NCBP1: variants seen among roughly 807,000 people sequenced by gnomAD.
NCBP1 encodes the protein nuclear cap binding protein subunit 1.
A neutral mutation model predicts 111.7 loss-of-function variants in NCBP1; 16 were observed. The ratio of observed to expected loss-of-function variants is 0.14; its 90% CI spans 0.10 to 0.22. The LOEUF (loss-of-function observed/expected upper bound fraction) is 0.22. NCBP1 is among the 10% of genes least tolerant of loss of function. The pLI, the probability that NCBP1 is intolerant of heterozygous loss-of-function variation, is 1.00. For missense variants in NCBP1, 607 were observed against 957.5 expected (o/e 0.63, Z 4.83); for synonymous variants, 304 against 314.3 (o/e 0.97, Z 0.35).
intron 13 of NCBP1, 38 bp from the exon 14 acceptor site, chr9:97,655,973 T>G: frequency 6.4e-7 from 1 of 1,567,926 alleles, no homozygotes; most frequent in Non-Finnish European, 8.8e-7. Context: ...AAGTGCAGAT[T>G]ATATGTAAGC....
At chr9:97,670,048 A>C in intron 22 of NCBP1, 1 of 360,830 alleles carries the variant, frequency 2.8e-6, no homozygotes, top group South Asian at 2.3e-5. Context: ...TCAGCCTCCC[A>C]TATTGCTGGG....
intron 12 of NCBP1, among the ~76,000 whole-genome samples, 166 bp downstream of exon 12, chr9:97,655,110 C>T (rs138059613): frequency 2.5e-3 from 380 of 152,266 alleles, no homozygotes; most frequent in African/African-American, 8.3e-3. Context: ...TGTAACATTA[C>T]GTTTTTTGAT....
intron 7 of NCBP1, 74 bp downstream of exon 7, chr9:97,647,635 C>A: frequency 8.1e-7 from 1 of 1,239,300 alleles, no homozygotes; most frequent in South Asian, 1.3e-5. Flanking sequence ...GTAAGATACT[C>A]AGACCATTCC....
chr9:97,663,404 T>A (rs1168630233), intron 18 of NCBP1, among the ~76,000 whole-genome samples: 1 of 152,240 alleles, frequency 6.6e-6, no homozygotes, highest in African/African-American at 2.4e-5. Context: ...AGTGAGTGTG[T>A]AATGATAAAA....
At chr9:97,658,173 A>G (rs1459834335) in intron 14 of NCBP1, among the ~76,000 whole-genome samples, 3 of 152,036 alleles carry the variant, frequency 2.0e-5, no homozygotes, top group African/African-American at 7.3e-5. Context: ...ACACACATCC[A>G]TCCATCCATA....
chr9:97,660,151 T>C (rs948623884), intron 15 of NCBP1, among the ~76,000 whole-genome samples: 1 of 152,224 alleles, frequency 6.6e-6, no homozygotes, highest in Non-Finnish European at 1.5e-5. Context: ...TTCTTCGCCT[T>C]CTTTTTTTTA....
chr9:97,648,651 A>C (rs1458611674), intron 8 of NCBP1, among the ~76,000 whole-genome samples: 1 of 152,214 alleles, frequency 6.6e-6, no homozygotes, highest in Non-Finnish European at 1.5e-5. Flanking sequence ...TTCACATGTA[A>C]AATGCATAGA....
chr9:97,655,845 TA>T (rs920273892), intron 13 of NCBP1, 81 bp downstream of exon 13: 10 of 1,421,152 alleles, frequency 7.0e-6, no homozygotes, highest in Non-Finnish European at 8.7e-6. Flanking sequence ...GTGTCTGAAA[TA>T]TTTAATTTCT....
rs77602722 is a variant in NCBP1 at position 97,656,049 on chromosome 9, C to T, written c.1337C>T (p.Pro446Leu). The T allele has an allele frequency of 0.016, 26,263 of 1,613,510 alleles. 282 individuals are homozygous for T. Among genetic ancestry groups the T allele is most frequent in the Non-Finnish European group, 0.019 (22,218 of 1,179,520 alleles). Residue 446 changes from proline (P) to leucine (L), a missense_variant, in exon 14 of 23, where the codon CCG becomes CTG. Physicochemically the swap from Pro to Leu is moderately conservative, Grantham distance 98 (BLOSUM62 -3). Around this residue, in one of 9 missense-constraint regions of NCBP1, gnomAD observed 282 missense variants for 376.5 expected, o/e 0.75. Transcript: ENST00000375147. ...AGTCAAGATCCTGAAAGTCCCAAAC[C>T]GAAGTTTGTAAGAGAAGTTCTAGAA... is the stretch of plus-strand genomic sequence containing the variant. ...CLSQDPESPK[P>L]KFVREVLEKC...
intron 19 of NCBP1, among the ~76,000 whole-genome samples, chr9:97,665,952 T>C (rs771106255): frequency 2.6e-5 from 4 of 152,168 alleles, no homozygotes; most frequent in Non-Finnish European, 5.9e-5. Context: ...GAGTGGATCA[T>C]CATAAAGGTC....
In NCBP1 at chr9:97,673,161, C is replaced by CA. The variant is rs1828246556; in HGVS notation, c.*1966dup. 6.6e-6 allele frequency: 1 copy of CA among 152,068 alleles called. No individual in the cohort carries two copies. The highest frequency in any genetic ancestry group is 2.4e-5 in the African/African-American group (1 of 41,374). The allele number at this position is 152,068 out of a possible 1,614,324, so 9.4% of individuals were successfully genotyped here. ...AAAAAAATATATAGCATATAACATA[C>CA]AAAATGAGTTTATCAACTGTTTGTT... is the stretch of plus-strand genomic sequence containing the variant. On this transcript the variant is annotated 3_prime_UTR_variant, in exon 23 of 23. Coordinates refer to ENST00000375147, the MANE Select transcript of NCBP1 (RefSeq NM_002486.5).
chr9:97,643,759 A>G (rs1827264252), intron 4 of NCBP1, among the ~76,000 whole-genome samples: 1 of 151,982 alleles, frequency 6.6e-6, no homozygotes, highest in African/African-American at 2.4e-5. Flanking sequence ...ATCCCTGTCA[A>G]TTCTGTCTCC....
intron 1 of NCBP1, among the ~76,000 whole-genome samples, chr9:97,637,668 C>T (rs981404737): frequency 5.3e-5 from 8 of 152,136 alleles, no homozygotes; most frequent in Admixed American, 1.3e-4. Flanking sequence ...TGTTATCTTT[C>T]AAGTTGTTCA....
intron 21 of NCBP1, among the ~76,000 whole-genome samples, 194 bp downstream of exon 21, chr9:97,669,168 TTTAC>T (rs1356053850): frequency 9.2e-5 from 14 of 152,062 alleles, no homozygotes; most frequent in African/African-American, 3.4e-4. Flanking sequence ...TTCTCTGCTG[TTTAC>T]TTAGTATTCT....
chr9:97,660,124 G>A (rs1827789514), intron 15 of NCBP1, among the ~76,000 whole-genome samples: 1 of 152,186 alleles, frequency 6.6e-6, no homozygotes, highest in Non-Finnish European at 1.5e-5. Flanking sequence ...GTAGACTGGT[G>A]ACAGGGGATT....
At chr9:97,665,703 G>A (rs1215127884) in intron 19 of NCBP1, among the ~76,000 whole-genome samples, 3 of 152,178 alleles carry the variant, frequency 2.0e-5, no homozygotes, top group Non-Finnish European at 2.9e-5. Context: ...GTAGAAGGAA[G>A]TACAGTTCAC....
intron 1 of NCBP1, 37 bp downstream of exon 1, chr9:97,633,952 G>T: frequency 5.1e-6 from 8 of 1,561,202 alleles, no homozygotes; most frequent in South Asian, 4.6e-5. Flanking sequence ...GGCCGCTCCC[G>T]GTTGGGAGCC....
At chr9:97,668,619 C>G (rs1280065416) in intron 20 of NCBP1, among the ~76,000 whole-genome samples, 3 of 152,088 alleles carry the variant, frequency 2.0e-5, no homozygotes, top group Non-Finnish European at 4.4e-5. Flanking sequence ...ACTAAATTTC[C>G]CTGGCCTAGA....
At position 97,671,520 on chromosome 9, in the gene NCBP1, C is replaced by T. The variant is rs1409492464; in HGVS notation, c.*321C>T. The T allele has an allele frequency of 4.1e-6, 1 of 242,584 alleles. No homozygotes were observed. The highest frequency in any genetic ancestry group is 8.1e-6 in the Non-Finnish European group (1 of 124,080). The allele number at this position is 242,584 out of a possible 1,614,324, so 15.0% of individuals were successfully genotyped here. ...GGTATGTGAAACACTAGAGGTCAAC[C>T]TTACATAGTATATAGAACTGATGGG... On this transcript the variant is annotated 3_prime_UTR_variant, in exon 23 of 23. Transcript: ENST00000375147.
Sources: gnomAD v4.1 joint callset for allele counts (sites outside exome capture counted in the v4.1 genomes callset) on GRCh38, gnomAD v4.1.1 for gene constraint, gnomAD v4.1.1 regional missense constraint, MANE v1.5 for transcripts, NCBI Gene and HGNC (gene_info 2026-07-23, HGNC 2026-07-21) for gene names.